The following NCOR1 variants were observed in gnomAD, a reference collection of about 807,000 sequenced individuals.
NCOR1 encodes the protein nuclear receptor corepressor 1, also known as protein phosphatase 1, regulatory subunit 109.
In NCOR1, 63 loss-of-function variants were observed where a neutral mutation model predicts 288.1. The ratio of observed to expected loss-of-function variants is 0.22; its 90% CI spans 0.18 to 0.27. The LOEUF (loss-of-function observed/expected upper bound fraction) is 0.27, where lower values mean the gene tolerates loss of function less well. Among genes scored for constraint, NCOR1 ranks in the 10% least tolerant of loss-of-function variants. The pLI is 1.00. For synonymous variants in NCOR1, 1,007 were observed against 1,065.9 expected, an observed-to-expected ratio of 0.94 and a Z score of 1.08; for missense variants, 2,397 against 3,019.2, an observed-to-expected ratio of 0.79 and a Z score of 4.83.
chr17:16,077,135 GC>G (rs2062581323), intron 26 of NCOR1, among the ~76,000 whole-genome samples: 1 of 152,074 alleles, frequency 6.6e-6, no homozygotes, highest in South Asian at 2.1e-4. Flanking sequence ...GGTGGCTTGC[GC>G]CTGTAATCCC....
At chr17:16,192,928 G>T (rs2088830929) in intron 2 of NCOR1, among the ~76,000 whole-genome samples, 1 of 152,084 alleles carries the variant, frequency 6.6e-6, no homozygotes, top group Admixed American at 6.6e-5. Context: ...AAGCAAAAGA[G>T]GCCATAGACA....
In NCOR1 at chr17:16,080,405, T is replaced by G; in HGVS notation, c.3400+3A>C. ...AACATTTCTGCCAACCAGCATATTTTACCTCTGACTACACCTTCATGTTGG... is the reference window on the plus strand; with the variant it reads ...AACATTTCTGCCAACCAGCATATTTGACCTCTGACTACACCTTCATGTTGG... On this transcript the variant is annotated splice_donor_region_variant and intron_variant, in intron 25 of 45. Transcript: ENST00000268712. 1 of 1,608,132 alleles carries G rather than the reference T, an allele frequency of 6.2e-7. No homozygotes were observed. Among genetic ancestry groups the G allele is most frequent in the Non-Finnish European group, 8.5e-7 (1 of 1,176,600 alleles).
intron 1 of NCOR1, among the ~76,000 whole-genome samples, chr17:16,200,719 T>C (rs1355195336): frequency 3.9e-5 from 6 of 152,130 alleles, no homozygotes; most frequent in Non-Finnish European, 7.3e-5. Context: ...AATGCCTTTA[T>C]GACATTCAAA....
chr17:16,157,317 A>G (rs568747777), intron 6 of NCOR1, among the ~76,000 whole-genome samples: 28 of 152,216 alleles, frequency 1.8e-4, no homozygotes, highest in African/African-American at 6.3e-4. Context: ...CTAATATTGA[A>G]CCCAGCCAAG....
At chr17:16,162,030 A>G (rs972045408) in intron 5 of NCOR1, among the ~76,000 whole-genome samples, 6 of 152,196 alleles carry the variant, frequency 3.9e-5, no homozygotes, top group Non-Finnish European at 8.8e-5. Context: ...TCAAACCAGT[A>G]AAGACTTAAT....
At chr17:16,144,314 C>T (rs1361110169) in intron 10 of NCOR1, among the ~76,000 whole-genome samples, 1 of 152,120 alleles carries the variant, frequency 6.6e-6, no homozygotes, top group Non-Finnish European at 1.5e-5. Context: ...GGATGTAATA[C>T]TTTTAGGAAC....
At chr17:16,197,832 AATATT>A (rs1236823526) in intron 1 of NCOR1, among the ~76,000 whole-genome samples, 1 of 152,126 alleles carries the variant, frequency 6.6e-6, no homozygotes, top group African/African-American at 2.4e-5. Context: ...TTTGGAAATA[AATATT>A]ATATGTAGGA....
intron 14 of NCOR1, among the ~76,000 whole-genome samples, chr17:16,136,288 C>T (rs993997000): frequency 6.6e-6 from 1 of 152,168 alleles, no homozygotes; most frequent in Non-Finnish European, 1.5e-5. Context: ...CAGGCTCAAG[C>T]CATCCTCCCA....
chr17:16,066,816 G>A (rs1168829604), intron 32 of NCOR1, among the ~76,000 whole-genome samples: 3 of 152,290 alleles, frequency 2.0e-5, no homozygotes, highest in South Asian at 2.1e-4. Flanking sequence ...ATTATGAAAT[G>A]TAAATAACCC....
intron 5 of NCOR1, among the ~76,000 whole-genome samples, chr17:16,161,145 T>G (rs778563143): frequency 1.3e-5 from 2 of 151,944 alleles, no homozygotes; most frequent in Non-Finnish European, 2.9e-5. Context: ...TGTTAAGGAA[T>G]AAACAAATCA....
Position 16,046,956 on chromosome 17 carries a change from T to A in NCOR1, c.6674A>T (p.Asp2225Val). 6.2e-7 allele frequency: 1 copy of A among 1,613,896 alleles called. No individual in the cohort carries two copies. The part of the protein sequence containing the change: ...KLNSSGGGDS[D>V]MAAAQPGTEI... The stretch of plus-strand genomic sequence containing the variant: ...ATGAAAGAAATCCCACTTACCCATA[T>A]CAGAGTCACCTCCACCAGAGGAGTT... Residue 2225 changes from aspartate to valine, a missense_variant, in exon 42 of 46, where the codon GAT (aspartate) becomes GTT (valine). Around this residue, in one of 11 missense-constraint regions of NCOR1, gnomAD observed 1,872 missense variants for 2,187.8 expected, o/e 0.86. Coordinates refer to ENST00000268712, the MANE Select transcript of NCOR1 (RefSeq NM_006311.4).
rs771495604 is a variant in NCOR1 at position 16,075,520 on chromosome 17, C to G, written c.3670+14G>C. 3.7e-6 allele frequency: 6 copies of G among 1,612,402 alleles called. No homozygotes were observed. The Admixed American group carries it at 1.0e-4, about 27-fold the overall frequency. ...ATTGTAATACTGGCTTTGGTGCATA[C>G]ATACAATACTTACTATCATATGACA... is the stretch of plus-strand genomic sequence containing the variant. On this transcript the variant is annotated intron_variant, in intron 27 of 45. Transcript: ENST00000268712.
At chr17:16,129,949 T>G (rs2153224086) in intron 14 of NCOR1, among the ~76,000 whole-genome samples, 1 of 152,232 alleles carries the variant, frequency 6.6e-6, no homozygotes, top group Middle Eastern at 3.4e-3. Flanking sequence ...ATAACTTCAC[T>G]CCCCTTTCCC....
At chr17:16,066,824 C>A (rs1462994267) in intron 32 of NCOR1, among the ~76,000 whole-genome samples, 2 of 152,102 alleles carry the variant, frequency 1.3e-5, no homozygotes, top group Non-Finnish European at 2.9e-5. Flanking sequence ...ATGTAAATAA[C>A]CCTTAGAATT....
intron 21 of NCOR1, among the ~76,000 whole-genome samples, chr17:16,096,694 T>A (rs762843246): frequency 3.5e-4 from 53 of 152,180 alleles, no homozygotes; most frequent in Non-Finnish European, 1.3e-4. Context: ...ACTAAGGATA[T>A]AACCTTTGGT....
intron 1 of NCOR1, among the ~76,000 whole-genome samples, chr17:16,210,470 C>T (rs2092013002): frequency 2.0e-5 from 3 of 152,132 alleles, no homozygotes. Context: ...ATTTCCATCA[C>T]TATTAATACT....
chr17:16,055,102 G>A (rs191444228), intron 40 of NCOR1, among the ~76,000 whole-genome samples: 2 of 152,164 alleles, frequency 1.3e-5, no homozygotes, highest in Non-Finnish European at 2.9e-5. Flanking sequence ...CAACCACTGT[G>A]GAAGACACTG....
Position 16,070,425 on chromosome 17 carries a change from G to A in NCOR1, c.4253C>T (p.Pro1418Leu), listed in dbSNP as rs781254126. ...TGPSKLSRGM[P>L]PLEIVPENIK... The stretch of plus-strand genomic sequence containing the variant: ...GTTCTCTGGCACAATTTCCAGCGGA[G>A]GCATTCCACGGGATAGTTTGCTAGG... The change falls in exon 31 of 46, where the codon CCT (proline) becomes CTT (leucine). Residue 1418 changes from proline (P) to leucine (L), a missense_variant. Transcript: ENST00000268712. The A allele has an allele frequency of 1.2e-6, 2 of 1,614,210 alleles. No individual in the cohort carries two copies. Among genetic ancestry groups the A allele is most frequent in the Non-Finnish European group, 1.7e-6 (2 of 1,180,044 alleles).
chr17:16,058,710 T>A, intron 37 of NCOR1, 111 bp from the exon 38 acceptor site: 4 of 1,135,984 alleles, frequency 3.5e-6, no homozygotes, highest in Non-Finnish European at 4.9e-6. Context: ...TGTTCAAAGG[T>A]ATTCCAGGTT....
Sources: gnomAD v4.1 joint callset for allele counts (sites outside exome capture counted in the v4.1 genomes callset) on GRCh38, gnomAD v4.1.1 for gene constraint, gnomAD v4.1.1 regional missense constraint, MANE v1.5 for transcripts, NCBI Gene and HGNC (gene_info 2026-07-23, HGNC 2026-07-21) for gene names.